SPOCK1: variants seen among roughly 807,000 people sequenced by gnomAD.
SPOCK1 encodes testican-1.
Under a neutral mutation model 55.3 loss-of-function variants are expected in SPOCK1, and 23 were observed. The observed-to-expected ratio is 0.42, with a 90% confidence interval of 0.30 to 0.59. The LOEUF (loss-of-function observed/expected upper bound fraction) is 0.59. Ranked by LOEUF, SPOCK1 falls within the 20% of genes least tolerant of loss-of-function variation. SPOCK1 has a pLI of 0.22. For synonymous variants in SPOCK1, 226 were observed against 221.0 expected (o/e 1.02, Z -0.20); for missense variants, 499 against 552.5 (o/e 0.90, Z 0.97).
chr5:137,075,409 C>A (rs1246681171), intron 5 of SPOCK1, among the ~76,000 whole-genome samples: 1 of 152,192 alleles, frequency 6.6e-6, no homozygotes, highest in Non-Finnish European at 1.5e-5. Flanking sequence ...GATCCTATTT[C>A]CTGCTGTATC....
rs145948750 is a variant in SPOCK1 at position 137,209,441 on chromosome 5, A to C, written c.232+57569T>G. 9.4e-3 allele frequency among the ~76,000 whole-genome samples: 1,429 copies of C among 152,316 alleles called. 18 individuals carry two copies. Among genetic ancestry groups the C allele is most frequent in the African/African-American group, 0.032 (1,326 of 41,572 alleles). On this transcript the variant is annotated intron_variant, in intron 3 of 10. Coordinates refer to ENST00000394945, the MANE Select transcript of SPOCK1 (RefSeq NM_004598.4). Reference sequence around the variant, plus strand: ...ATTTTGCTCTGATATGACTCAAACTAATAGAAACACCGTAAATATCCTTCC... The same window carrying C: ...ATTTTGCTCTGATATGACTCAAACTCATAGAAACACCGTAAATATCCTTCC...
intron 2 of SPOCK1, among the ~76,000 whole-genome samples, chr5:137,315,452 C>T (rs908541309): frequency 2.0e-5 from 3 of 152,096 alleles, no homozygotes; most frequent in Non-Finnish European, 4.4e-5. Context: ...ATCCCACAAC[C>T]CCCCCACCAT....
chr5:137,011,037 T>C (rs928828024), intron 6 of SPOCK1, among the ~76,000 whole-genome samples: 2 of 152,226 alleles, frequency 1.3e-5, no homozygotes, highest in Non-Finnish European at 2.9e-5. Context: ...ACAAGCTTAT[T>C]TGAAAACCAT....
At chr5:137,074,865 C>T (rs1000954791) in intron 5 of SPOCK1, among the ~76,000 whole-genome samples, 3 of 152,090 alleles carry the variant, frequency 2.0e-5, no homozygotes, top group Admixed American at 6.6e-5. Flanking sequence ...CCACCACGCC[C>T]GACTAATTTT....
At chr5:137,145,693 C>T (rs1487761110) in intron 3 of SPOCK1, among the ~76,000 whole-genome samples, 1 of 152,188 alleles carries the variant, frequency 6.6e-6, no homozygotes, top group African/African-American at 2.4e-5. Context: ...CAGGGGTTCA[C>T]CGTTGAACAT....
Position 137,338,802 on chromosome 5 carries a change from C to T in SPOCK1, c.187-71747G>A, listed in dbSNP as rs1580873868. Among the ~76,000 whole-genome samples the T allele has an allele frequency of 2.6e-5, 4 of 152,234 alleles. No homozygotes were observed. In the East Asian group the frequency reaches 5.8e-4, roughly 22 times the overall value. On this transcript the variant is annotated intron_variant, in intron 2 of 10. Transcript: ENST00000394945. ...GAGCATTTTTTCATGTGTTTTTTGGCCGCATAAATGTCTTCTTTTGAGAAG... is the reference window on the plus strand; with the variant it reads ...GAGCATTTTTTCATGTGTTTTTTGGTCGCATAAATGTCTTCTTTTGAGAAG...
At chr5:137,166,855 G>T (rs182050230) in intron 3 of SPOCK1, among the ~76,000 whole-genome samples, 1 of 152,016 alleles carries the variant, frequency 6.6e-6, no homozygotes, top group Non-Finnish European at 1.5e-5. Flanking sequence ...TATCACCAGA[G>T]AAAATCACCT....
intron 3 of SPOCK1, among the ~76,000 whole-genome samples, chr5:137,160,611 TATAATATATATTTTATATAATATATA>T: frequency 1.2e-5 from 1 of 83,186 alleles, no homozygotes; most frequent in Non-Finnish European, 2.2e-5. Flanking sequence ...ATATATAATA[TATAATATATATTTTATATAATATATA>T]ATATATATTT....
chr5:137,252,066 C>A (rs1225078221), intron 3 of SPOCK1, among the ~76,000 whole-genome samples: 5 of 152,200 alleles, frequency 3.3e-5, no homozygotes, highest in Non-Finnish European at 4.4e-5. Context: ...GCTGGGATTA[C>A]AGGCACCTGC....
At chr5:137,386,313 T>C (rs1751598396) in intron 2 of SPOCK1, among the ~76,000 whole-genome samples, 1 of 152,184 alleles carries the variant, frequency 6.6e-6, no homozygotes, top group Admixed American at 6.5e-5. Context: ...GATCTGGAGA[T>C]TTAATGCAAT....
intron 3 of SPOCK1, among the ~76,000 whole-genome samples, chr5:137,181,687 C>T (rs373796966): frequency 1.1e-4 from 17 of 152,226 alleles, no homozygotes; most frequent in African/African-American, 3.9e-4. Context: ...AACTTTGGAG[C>T]ATTAGCTGAC....
At chr5:137,262,707 T>G (rs190311213) in intron 3 of SPOCK1, among the ~76,000 whole-genome samples, 8 of 152,314 alleles carry the variant, frequency 5.3e-5, no homozygotes, top group Admixed American at 2.0e-4. Context: ...ACCAGTACGA[T>G]GCCCCAACAC....
At chr5:137,394,289 A>C (rs1751793927) in intron 2 of SPOCK1, among the ~76,000 whole-genome samples, 1 of 152,186 alleles carries the variant, frequency 6.6e-6, no homozygotes, top group Admixed American at 6.5e-5. Context: ...ACTTTTACAC[A>C]CTACACACTA....
intron 2 of SPOCK1, among the ~76,000 whole-genome samples, chr5:137,353,996 C>T (rs961242015): frequency 1.3e-5 from 2 of 152,150 alleles, no homozygotes; most frequent in African/African-American, 2.4e-5. Flanking sequence ...TGATGTCTGC[C>T]GAAAGTGGGA....
chr5:137,478,180 G>A (rs1753876294), intron 2 of SPOCK1, among the ~76,000 whole-genome samples: 1 of 152,144 alleles, frequency 6.6e-6, no homozygotes, highest in Admixed American at 6.5e-5. Context: ...CACATGCATG[G>A]GAGGATGGAT....
intron 3 of SPOCK1, among the ~76,000 whole-genome samples, chr5:137,222,580 G>A: frequency 6.6e-6 from 1 of 152,120 alleles, no homozygotes; most frequent in South Asian, 2.1e-4. Flanking sequence ...CAAGTGGTTA[G>A]CCAACATTTG....
chr5:137,291,785 G>A (rs551990166), intron 2 of SPOCK1, among the ~76,000 whole-genome samples: 70 of 152,260 alleles, frequency 4.6e-4, no homozygotes, highest in Admixed American at 1.8e-3. Context: ...ATTTACGTAA[G>A]GTCCAGGCAT....
rs1380506270 is a variant in SPOCK1, at chr5:137,363,604, C to T, written c.187-96549G>A. On this transcript the variant is annotated intron_variant, in intron 2 of 10. Coordinates refer to ENST00000394945, the MANE Select transcript of SPOCK1 (RefSeq NM_004598.4). The stretch of plus-strand genomic sequence containing the variant: ...TGTATACAAAAGTTAAGAATCCTTA[C>T]TGTCCTAGAGCTGTCAGGAGACAAT... Among the ~76,000 whole-genome samples the T allele has an allele frequency of 5.9e-5, 9 of 152,352 alleles. No individual in the cohort carries two copies. In the East Asian group the frequency reaches 1.7e-3, roughly 29 times the overall value.
chr5:137,030,328 T>A (rs577076577), intron 6 of SPOCK1, among the ~76,000 whole-genome samples: 1 of 152,246 alleles, frequency 6.6e-6, no homozygotes, highest in Admixed American at 6.5e-5. Flanking sequence ...GGTTTAAAGG[T>A]CTGATCCAGG....
Sources: allele counts gnomAD v4.1 joint callset (sites outside exome capture counted in the v4.1 genomes callset), GRCh38; gene constraint gnomAD v4.1.1; transcripts MANE v1.5; gene names NCBI Gene and HGNC (gene_info 2026-07-23, HGNC 2026-07-21).